The following SPECC1 variants were observed in gnomAD, a reference collection of about 807,000 sequenced individuals.
SPECC1 encodes cytospin-B.
Under a neutral mutation model 104.1 loss-of-function variants are expected in SPECC1, and 62 were observed. The ratio of observed to expected loss-of-function variants is 0.60; its 90% CI spans 0.49 to 0.74. The LOEUF (loss-of-function observed/expected upper bound fraction) is 0.74, where lower values mean the gene tolerates loss of function less well. Among genes scored for constraint, SPECC1 ranks in the 30% least tolerant of loss-of-function variants. The probability of loss-of-function intolerance (pLI) is 0.00; values close to 1 mark genes in which losing one functional copy is unlikely to be tolerated. For synonymous variants in SPECC1, 513 were observed against 501.6 expected, an observed-to-expected ratio of 1.02 and a Z score of -0.30; for missense variants, 1,306 against 1,310.5, an observed-to-expected ratio of 1.00 and a Z score of 0.05.
intron 1 of SPECC1, among the ~76,000 whole-genome samples, chr17:20,061,987 C>T (rs550716156): frequency 5.9e-5 from 9 of 152,144 alleles, no homozygotes; most frequent in African/African-American, 2.2e-4. Flanking sequence ...TGGCCGGGCA[C>T]GGTGGCTCAC....
Position 20,318,965 on chromosome 17 carries a change from C to T in SPECC1, c.*4900C>T, listed in dbSNP as rs1216805533. ...TGCTAATTAGATGTATTTAACTATT[C>T]ATAGGAAAGTGTATGATAAATGACT... On this transcript the variant is annotated 3_prime_UTR_variant, in exon 15 of 15. Transcript: ENST00000395527. 1 of 182,334 alleles carries T rather than the reference C, an allele frequency of 5.5e-6. No individual in the cohort carries two copies. Among genetic ancestry groups the T allele is most frequent in the East Asian group, 8.9e-5 (1 of 11,194 alleles). 11.3% of individuals were successfully genotyped at this position (182,334 alleles called of 1,614,324 possible). A position where few individuals can be genotyped will look rare whatever the true frequency, so the allele number is the denominator to read the frequency against.
At chr17:20,196,222 G>A (rs967611060) in intron 3 of SPECC1, among the ~76,000 whole-genome samples, 1 of 152,070 alleles carries the variant, frequency 6.6e-6, no homozygotes, top group Non-Finnish European at 1.5e-5. Context: ...CACCTTACAG[G>A]TAAAACTATT....
rs141144890 is a variant in SPECC1 at position 20,316,686 on chromosome 17, T to G, written c.*2621T>G. 1,407 of 149,740 alleles carry G rather than the reference T, an allele frequency of 9.4e-3. 92 individuals are homozygous for G. The East Asian group carries it at 0.14, about 15-fold the overall frequency. The allele number at this position is 149,740 out of a possible 1,614,324, so 9.3% of individuals were successfully genotyped here. A position where few individuals can be genotyped will look rare whatever the true frequency, so the allele number is the denominator to read the frequency against. The stretch of plus-strand genomic sequence containing the variant: ...AGCCCGGCTGTTTTTTTGTGTTTTT[T>G]TTGTTGTTGTTTGTTTGTTTTTTTT... On this transcript the variant is annotated 3_prime_UTR_variant, in exon 15 of 15. Transcript: ENST00000395527.
In SPECC1 at chr17:20,304,092, C is replaced by A. The variant is rs923164697; in HGVS notation, c.3058-1931C>A. Among the ~76,000 whole-genome samples, 4 of 126,100 alleles carry A rather than the reference C, an allele frequency of 3.2e-5. No individual in the cohort carries two copies. In the Admixed American group the frequency reaches 4.0e-4, roughly 13 times the overall value. 82.7% of individuals were successfully genotyped at this position (126,100 alleles called of 152,430 possible). ...TTCGAAACTAGCCTGGTCAACATGACGAAACCCCTTCTCTACTAAAAATAC... is the reference window on the plus strand; with the variant it reads ...TTCGAAACTAGCCTGGTCAACATGAAGAAACCCCTTCTCTACTAAAAATAC... On this transcript the variant is annotated intron_variant, in intron 13 of 14. Transcript: ENST00000395527.
intron 4 of SPECC1, among the ~76,000 whole-genome samples, chr17:20,224,518 G>A (rs751969902): frequency 3.3e-5 from 5 of 152,120 alleles, no homozygotes; most frequent in Non-Finnish European, 1.5e-5. Flanking sequence ...CAGTCTGCTT[G>A]GTTCTTTATT....
At chr17:20,158,915 G>A (rs539531218) in intron 3 of SPECC1, among the ~76,000 whole-genome samples, 2 of 150,502 alleles carry the variant, frequency 1.3e-5, no homozygotes, top group African/African-American at 4.9e-5. Flanking sequence ...CGGCTGTTTC[G>A]TTTTTGTTTT....
At chr17:20,027,844 G>C (rs2044654888) in intron 1 of SPECC1, among the ~76,000 whole-genome samples, 1 of 152,014 alleles carries the variant, frequency 6.6e-6, no homozygotes, top group Non-Finnish European at 1.5e-5. Context: ...TGTTCTTTTT[G>C]CTTAATATTG....
chr17:20,146,672 T>C (rs1161464879), intron 3 of SPECC1, among the ~76,000 whole-genome samples: 1 of 152,138 alleles, frequency 6.6e-6, no homozygotes, highest in Non-Finnish European at 1.5e-5. Flanking sequence ...TTTGGGAGGC[T>C]GAGGCGGGTG....
At chr17:20,246,378 C>G (rs887176023) in intron 8 of SPECC1, among the ~76,000 whole-genome samples, 2 of 152,238 alleles carry the variant, frequency 1.3e-5, no homozygotes, top group Non-Finnish European at 2.9e-5. Flanking sequence ...CAGGTCACTA[C>G]TATTTGCCTT....
At chr17:20,180,575 C>T (rs376354093) in intron 3 of SPECC1, among the ~76,000 whole-genome samples, 9 of 152,302 alleles carry the variant, frequency 5.9e-5, no homozygotes, top group African/African-American at 2.2e-4. Flanking sequence ...CTTGGATGCT[C>T]ACAGGGGCCG....
rs2038604531 is a variant in SPECC1 at position 20,231,896 on chromosome 17, C to T, written c.2145+65C>T. On this transcript the variant is annotated intron_variant, in intron 6 of 14. Transcript: ENST00000395527. ...GAATTACCCGCTCCGAGGTGTGGAT[C>T]ACTCTCTCTATCCTGCTTTCTCTTG... The T allele has an allele frequency of 2.9e-5, 44 of 1,496,128 alleles. No homozygotes were observed. The South Asian group carries it at 5.0e-4, about 17-fold the overall frequency. The allele number at this position is 1,496,128 out of a possible 1,614,324, so 92.7% of individuals were successfully genotyped here.
chr17:20,110,187 G>A (rs544686844), intron 2 of SPECC1, among the ~76,000 whole-genome samples: 20 of 152,118 alleles, frequency 1.3e-4, no homozygotes, highest in Non-Finnish European at 7.3e-5. Flanking sequence ...TATTCTTCAC[G>A]CACAGTCTTA....
chr17:20,246,588 T>C (rs2039431713), intron 8 of SPECC1, among the ~76,000 whole-genome samples: 1 of 152,202 alleles, frequency 6.6e-6, no homozygotes, highest in Non-Finnish European at 1.5e-5. Context: ...TGTTCCCAGC[T>C]TTTCCTGGTG....
At chr17:20,110,138 C>T (rs2152522575) in intron 2 of SPECC1, among the ~76,000 whole-genome samples, 1 of 152,306 alleles carries the variant, frequency 6.6e-6, no homozygotes, top group East Asian at 1.9e-4. Flanking sequence ...TGCCCAGCCA[C>T]ATTTTTTAAG....
intron 1 of SPECC1, among the ~76,000 whole-genome samples, chr17:20,032,911 T>C (rs749477399): frequency 6.6e-6 from 1 of 151,690 alleles, no homozygotes; most frequent in Non-Finnish European, 1.5e-5. Flanking sequence ...TGTATATATG[T>C]GTATGTGTAT....
intron 3 of SPECC1, among the ~76,000 whole-genome samples, chr17:20,156,986 G>A (rs925625122): frequency 1.3e-5 from 2 of 152,184 alleles, no homozygotes; most frequent in East Asian, 1.9e-4. Flanking sequence ...AGTCCTTGTG[G>A]GGGTGGGGGG....
chr17:20,236,867 G>A (rs1440399071), intron 7 of SPECC1: 1 of 1,613,636 alleles, frequency 6.2e-7, no homozygotes, highest in Non-Finnish European at 8.5e-7. Context: ...CAGCTCCCTG[G>A]GCTCTGTCAG....
At position 20,104,585 on chromosome 17, in the gene SPECC1, A is replaced by T. The variant is rs551032917; in HGVS notation, c.148-5842A>T. On this transcript the variant is annotated intron_variant, in intron 2 of 14. Transcript: ENST00000395527. Reference sequence around the variant, plus strand: ...TGGTGAAATCCCGTCTCTACTAAAAATACAAAAATTAGCTGGGTGTGGGGG... The same window carrying T: ...TGGTGAAATCCCGTCTCTACTAAAATTACAAAAATTAGCTGGGTGTGGGGG... Among the ~76,000 whole-genome samples, 68 of 152,012 alleles carry T rather than the reference A, an allele frequency of 4.5e-4. 3 individuals carry two copies. The South Asian group carries it at 0.013, about 28-fold the overall frequency.
rs143177328 is a variant in SPECC1 at position 20,281,542 on chromosome 17, G to A, written c.2941-15419G>A. ...TTGTGTGGACTCTACTCCCAGCCTC[G>A]AGGGCTGAACCGCTAGTGAGTTGTG... On this transcript the variant is annotated intron_variant, in intron 12 of 14. Coordinates refer to ENST00000395527, the MANE Select transcript of SPECC1 (RefSeq NM_001243439.2). Among the ~76,000 whole-genome samples the A allele has an allele frequency of 7.2e-5, 11 of 152,180 alleles. 1 individual carries two copies. Among genetic ancestry groups the A allele is most frequent in the Admixed American group, 5.9e-4 (9 of 15,282 alleles).
Sources: allele counts gnomAD v4.1 joint callset (sites outside exome capture counted in the v4.1 genomes callset), GRCh38; gene constraint gnomAD v4.1.1; transcripts MANE v1.5; gene names NCBI Gene and HGNC (gene_info 2026-07-23, HGNC 2026-07-21).